The following SHISA9 variants were observed in gnomAD, a reference collection of about 807,000 sequenced individuals.
SHISA9 encodes protein shisa-9.
Under a neutral mutation model 38.0 loss-of-function variants are expected in SHISA9, and 13 were observed. The ratio of observed to expected loss-of-function variants is 0.34; its 90% confidence interval spans 0.22 to 0.54. The LOEUF is 0.54. Among genes scored for constraint, SHISA9 ranks in the 20% least tolerant of loss-of-function variants. The probability of loss-of-function intolerance (pLI) is 0.91; values close to 1 mark genes in which losing one functional copy is unlikely to be tolerated. For missense variants in SHISA9, 538 were observed against 575.8 expected (o/e 0.93, Z 0.67); for synonymous variants, 275 against 242.0 (o/e 1.14, Z -1.27).
At chr16:12,970,482 T>C (rs1186879912) in intron 2 of SHISA9, among the ~76,000 whole-genome samples, 2 of 23,360 alleles carry the variant, frequency 8.6e-5, no homozygotes, top group African/African-American at 1.5e-4. Flanking sequence ...TATATATATA[T>C]ATATATATAT....
intron 2 of SHISA9, among the ~76,000 whole-genome samples, chr16:13,073,031 T>C (rs1205311692): frequency 6.6e-6 from 1 of 152,158 alleles, no homozygotes; most frequent in Non-Finnish European, 1.5e-5. Flanking sequence ...GCTTGAGTGA[T>C]CCTCCTGTCT....
chr16:13,318,987 A>G, the SHISA9 span, among the ~76,000 whole-genome samples: 1 of 151,998 alleles, frequency 6.6e-6, no homozygotes, highest in Non-Finnish European at 1.5e-5. Context: ...GTCCCCACAG[A>G]CTCATTTCAC....
chr16:13,115,840 T>C (rs1025308622), intron 2 of SHISA9, among the ~76,000 whole-genome samples: 1 of 152,252 alleles, frequency 6.6e-6, no homozygotes, highest in Non-Finnish European at 1.5e-5. Context: ...TAACAATTCC[T>C]TCCAACACTG....
At chr16:13,162,026 C>T (rs2050599250) in intron 2 of SHISA9, among the ~76,000 whole-genome samples, 1 of 152,126 alleles carries the variant, frequency 6.6e-6, no homozygotes, top group Admixed American at 6.5e-5. Flanking sequence ...GATAAACCAA[C>T]CTTGGATTAA....
chr16:13,325,188 T>C, the SHISA9 span, among the ~76,000 whole-genome samples: 38 of 152,210 alleles, frequency 2.5e-4, no homozygotes, highest in Non-Finnish European at 3.7e-4. Flanking sequence ...CCAGAAGAGA[T>C]GGCTTTCAGA....
At chr16:13,436,413 C>T in the SHISA9 span, among the ~76,000 whole-genome samples, 3 of 152,104 alleles carry the variant, frequency 2.0e-5, no homozygotes, top group Non-Finnish European at 4.4e-5. Context: ...CATAAATTAC[C>T]CCATATGGCC....
At chr16:13,280,360 C>G in the SHISA9 span, among the ~76,000 whole-genome samples, 14,941 of 151,494 alleles carry the variant, frequency 0.099, 1,017 homozygotes, top group Non-Finnish European at 0.15. Flanking sequence ...ACTCTTCTTT[C>G]TCTAGTTTCT....
At chr16:13,165,292 G>T (rs2050626309) in intron 2 of SHISA9, among the ~76,000 whole-genome samples, 1 of 152,014 alleles carries the variant, frequency 6.6e-6, no homozygotes, top group African/African-American at 2.4e-5. Context: ...TTTAATCTAA[G>T]TGTTTAATTT....
chr16:13,513,410 C>T, the SHISA9 span, among the ~76,000 whole-genome samples: 1 of 152,290 alleles, frequency 6.6e-6, no homozygotes, highest in African/African-American at 2.4e-5. Context: ...TTAGTTCAAC[C>T]ATTGTCAAAG....
chr16:13,442,603 C>A, the SHISA9 span, among the ~76,000 whole-genome samples: 1 of 152,128 alleles, frequency 6.6e-6, no homozygotes, highest in East Asian at 1.9e-4. Context: ...TCTCACCCAG[C>A]AAACAAATTC....
the SHISA9 span, among the ~76,000 whole-genome samples, chr16:13,329,462 TG>T: frequency 6.6e-6 from 1 of 152,172 alleles, no homozygotes; most frequent in Non-Finnish European, 1.5e-5. Context: ...TAGGTTGCAT[TG>T]TTGATCCTAA....
chr16:13,114,515 C>A (rs2074012026), intron 2 of SHISA9, among the ~76,000 whole-genome samples: 3 of 136,978 alleles, frequency 2.2e-5, no homozygotes, highest in South Asian at 2.4e-4. Context: ...AACTAGGTAA[C>A]AATCACCCAG....
chr16:13,051,740 G>C (rs1289836419), intron 2 of SHISA9, among the ~76,000 whole-genome samples: 2 of 151,636 alleles, frequency 1.3e-5, no homozygotes, highest in Non-Finnish European at 2.9e-5. Flanking sequence ...TTACTCCCCT[G>C]TACAGTTCTT....
chr16:12,997,952 C>A (rs115389676), intron 2 of SHISA9, among the ~76,000 whole-genome samples: 1 of 152,182 alleles, frequency 6.6e-6, no homozygotes, highest in Non-Finnish European at 1.5e-5. Context: ...ATGTTATACA[C>A]GGCGTGTAAT....
chr16:13,316,640 A>C, the SHISA9 span, among the ~76,000 whole-genome samples: 1 of 152,076 alleles, frequency 6.6e-6, no homozygotes, highest in East Asian at 1.9e-4. Flanking sequence ...AAGAAAAAAA[A>C]CCCTCCATCC....
At chr16:12,938,188 G>A (rs1028940840) in intron 2 of SHISA9, among the ~76,000 whole-genome samples, 2 of 152,208 alleles carry the variant, frequency 1.3e-5, no homozygotes, top group Non-Finnish European at 2.9e-5. Context: ...GAAGAATAAA[G>A]CTATGCTTGT....
the SHISA9 span, among the ~76,000 whole-genome samples, chr16:13,545,220 G>A: frequency 2.0e-5 from 3 of 152,202 alleles, no homozygotes; most frequent in Non-Finnish European, 2.9e-5. Context: ...GCACACTGGT[G>A]AAGTGGTACA....
chr16:13,434,999 T>G, the SHISA9 span, among the ~76,000 whole-genome samples: 1 of 152,162 alleles, frequency 6.6e-6, no homozygotes, highest in Non-Finnish European at 1.5e-5. Context: ...AAATGAAAAA[T>G]ACACTAAAAC....
intron 1 of SHISA9, chr16:12,908,759 G>A (rs117096364): frequency 0.018 from 24,792 of 1,402,466 alleles, 262 homozygotes; most frequent in Non-Finnish European, 0.021. Flanking sequence ...TATCGGCCCC[G>A]GCAGGCCCAG....
Sources: allele counts gnomAD v4.1 joint callset (sites outside exome capture counted in the v4.1 genomes callset), GRCh38; gene constraint gnomAD v4.1.1; transcripts MANE v1.5; gene names NCBI Gene and HGNC (gene_info 2026-07-23, HGNC 2026-07-21).